Variants in OSTN observed in about 807,000 individuals in gnomAD.
OSTN encodes the protein osteocrin.
Under a neutral mutation model 12.0 loss-of-function variants are expected in OSTN, and 9 were observed. The observed-to-expected ratio is 0.75, with a 90% CI of 0.45 to 1.30. The LOEUF is 1.30. Among genes scored for constraint, OSTN ranks in the 50% most tolerant of loss-of-function variants. OSTN has a pLI of 0.00. For missense variants in OSTN, 148 were observed against 152.3 expected (o/e 0.97, Z 0.15); for synonymous variants, 59 against 56.9 (o/e 1.04, Z -0.16).
chr3:191,206,574 G>A (rs1714279894), intron 1 of OSTN, among the ~76,000 whole-genome samples: 1 of 152,168 alleles, frequency 6.6e-6, no homozygotes, highest in South Asian at 2.1e-4. Context: ...TACATGTTAA[G>A]TGTCTGCACT....
chr3:191,200,154 T>C (rs1333744893), intron 1 of OSTN, among the ~76,000 whole-genome samples: 2 of 152,154 alleles, frequency 1.3e-5, no homozygotes, highest in African/African-American at 4.8e-5. Context: ...GATAGTGTTA[T>C]ACCAAAAACA....
chr3:191,260,306 T>A (rs933588267), intron 4 of OSTN, among the ~76,000 whole-genome samples: 5 of 142,506 alleles, frequency 3.5e-5, no homozygotes, highest in Non-Finnish European at 7.7e-5. Context: ...CAGTAACAAC[T>A]CAATCCAAAA....
chr3:191,257,405 A>G (rs1379184086), intron 4 of OSTN, among the ~76,000 whole-genome samples: 1 of 152,164 alleles, frequency 6.6e-6, no homozygotes, highest in East Asian at 1.9e-4. Context: ...ATTACATATC[A>G]GATGCAGAGC....
At chr3:191,215,414 A>T (rs1212462233) in intron 2 of OSTN, among the ~76,000 whole-genome samples, 1 of 152,178 alleles carries the variant, frequency 6.6e-6, no homozygotes, top group Non-Finnish European at 1.5e-5. Flanking sequence ...AAACACAATC[A>T]TGCCTTCCCA....
rs574865457 is a variant in OSTN at position 191,219,714 on chromosome 3, G to T, written c.317+753G>T. ...AGAAGTGGCACAAAAGACCACACAA[G>T]TACCATAGACAGGAATCTGGGAAAT... On this transcript the variant is annotated intron_variant, in intron 3 of 4. Transcript: ENST00000682035. 5.3e-5 allele frequency among the ~76,000 whole-genome samples: 8 copies of T among 152,218 alleles called. No homozygotes were observed. The South Asian group carries it at 1.7e-3, about 32-fold the overall frequency.
intron 3 of OSTN, among the ~76,000 whole-genome samples, chr3:191,249,736 T>G (rs1264916300): frequency 6.6e-6 from 1 of 152,194 alleles, no homozygotes. Context: ...CTAAAGCACT[T>G]AGTTGGCAGA....
At chr3:191,254,094 T>G (rs2108554201) in intron 4 of OSTN, among the ~76,000 whole-genome samples, 1 of 152,342 alleles carries the variant, frequency 6.6e-6, no homozygotes, top group Non-Finnish European at 1.5e-5. Flanking sequence ...ATAGATCAGT[T>G]CAGTTAAATA....
At chr3:191,207,661 C>A (rs1161576699) in intron 1 of OSTN, among the ~76,000 whole-genome samples, 1 of 152,092 alleles carries the variant, frequency 6.6e-6, no homozygotes, top group African/African-American at 2.4e-5. Flanking sequence ...AAACATCTTT[C>A]TTCATCTTAA....
chr3:191,244,943 C>T (rs1409521464), intron 3 of OSTN, among the ~76,000 whole-genome samples: 1 of 152,064 alleles, frequency 6.6e-6, no homozygotes, highest in Non-Finnish European at 1.5e-5. Flanking sequence ...ATTTTATCCA[C>T]TTGACCAGTA....
intron 4 of OSTN, among the ~76,000 whole-genome samples, chr3:191,258,926 C>T (rs565822290): frequency 2.6e-5 from 4 of 152,234 alleles, no homozygotes; most frequent in African/African-American, 9.6e-5. Flanking sequence ...TCTCATAATA[C>T]CAAATAATTT....
chr3:191,201,180 C>CTT lies in OSTN; in HGVS notation c.-1+1874_-1+1875dup, dbSNP rs1714145710. On this transcript the variant is annotated intron_variant, in intron 1 of 4. Transcript: ENST00000682035. Reference sequence around the variant, plus strand: ...CGGTACATCCCTGGAGCAGTGATGCCTTCTTCCTTATTGCCACTCCATCAG... The same window carrying CTT: ...CGGTACATCCCTGGAGCAGTGATGCCTTTTCTTCCTTATTGCCACTCCATCAG... Among the ~76,000 whole-genome samples the CTT allele has an allele frequency of 1.2e-4, 18 of 152,056 alleles. No individual in the cohort carries two copies. The South Asian group carries it at 3.7e-3, about 32-fold the overall frequency.
intron 1 of OSTN, 142 bp downstream of exon 1, chr3:191,199,449 G>C (rs945061281): frequency 6.6e-6 from 1 of 151,976 alleles, no homozygotes; most frequent in East Asian, 1.9e-4. Flanking sequence ...AAAATGAGTA[G>C]AAAATCAAAG....
intron 3 of OSTN, among the ~76,000 whole-genome samples, chr3:191,235,075 C>T (rs777154575): frequency 3.9e-5 from 6 of 152,140 alleles, no homozygotes; most frequent in Non-Finnish European, 5.9e-5. Flanking sequence ...GAGAAAAACT[C>T]CATAAGTCAT....
chr3:191,224,881 T>TA (rs1047252382), intron 3 of OSTN, among the ~76,000 whole-genome samples: 4 of 151,172 alleles, frequency 2.6e-5, no homozygotes, highest in Non-Finnish European at 5.9e-5. Flanking sequence ...ATGATAGTAA[T>TA]AAAAAAATAC....
At chr3:191,201,424 A>G (rs1382967806) in intron 1 of OSTN, among the ~76,000 whole-genome samples, 1 of 152,166 alleles carries the variant, frequency 6.6e-6, no homozygotes, top group African/African-American at 2.4e-5. Context: ...AAAATTCTAT[A>G]TTCCCAGGGT....
chr3:191,220,596 A>G (rs1169999354), intron 3 of OSTN, among the ~76,000 whole-genome samples: 1 of 152,160 alleles, frequency 6.6e-6, no homozygotes, highest in Non-Finnish European at 1.5e-5. Flanking sequence ...AAAACTAAAA[A>G]TTGAGCTACC....
At chr3:191,226,337 AT>A (rs1197033822) in intron 3 of OSTN, among the ~76,000 whole-genome samples, 1 of 152,182 alleles carries the variant, frequency 6.6e-6, no homozygotes. Context: ...AAAATCTAAT[AT>A]TTATTAATGT....
At chr3:191,248,598 C>T (rs1284848573) in intron 3 of OSTN, among the ~76,000 whole-genome samples, 1 of 152,160 alleles carries the variant, frequency 6.6e-6, no homozygotes, top group East Asian at 1.9e-4. Context: ...TTGTTAGATA[C>T]TAAGTCCTAC....
At chr3:191,224,812 AAAT>A (rs1426086994) in intron 3 of OSTN, among the ~76,000 whole-genome samples, 1 of 152,100 alleles carries the variant, frequency 6.6e-6, no homozygotes, top group Non-Finnish European at 1.5e-5. Context: ...ACTTTATTGA[AAAT>A]AATAATAAAA....
Sources: allele counts gnomAD v4.1 joint callset (sites outside exome capture counted in the v4.1 genomes callset), GRCh38; gene constraint gnomAD v4.1.1; transcripts MANE v1.5; gene names NCBI Gene and HGNC (gene_info 2026-07-23, HGNC 2026-07-21).